Variants in PSMB7 observed in about 807,000 individuals in gnomAD.
The protein encoded by PSMB7 is proteasome 20S subunit beta 7.
In PSMB7, 5 loss-of-function variants were observed where a neutral mutation model predicts 28.1. The ratio of observed to expected loss-of-function variants is 0.18; its 90% CI spans 0.09 to 0.37. The LOEUF (loss-of-function observed/expected upper bound fraction) is 0.37. Among genes scored for constraint, PSMB7 ranks in the 10% least tolerant of loss-of-function variants. The pLI is 1.00. For synonymous variants in PSMB7, 122 were observed against 123.7 expected (o/e 0.99, Z 0.09); for missense variants, 275 against 346.2 (o/e 0.79, Z 1.63).
At chr9:124,353,766 C>T (rs1830361754) in intron 7 of PSMB7, 57 bp from the exon 8 acceptor site, 2 of 1,280,464 alleles carry the variant, frequency 1.6e-6, no homozygotes, top group African/African-American at 2.9e-5. Flanking sequence ...TGCCAGAGGG[C>T]AGAAGACAGT....
At chr9:124,382,193 CTTTTCTCTTT>C (rs1830673979) in intron 6 of PSMB7, among the ~76,000 whole-genome samples, 1 of 110,598 alleles carries the variant, frequency 9.0e-6, no homozygotes, top group African/African-American at 3.3e-5. Context: ...GTCTCTCTCT[CTTTTCTCTTT>C]TTTTTTTTTT....
At chr9:124,365,369 AAGGT>A (rs766261575) in intron 6 of PSMB7, among the ~76,000 whole-genome samples, 1 of 152,178 alleles carries the variant, frequency 6.6e-6, no homozygotes, top group Non-Finnish European at 1.5e-5. Flanking sequence ...ATACAAGTGA[AAGGT>A]AGCCAAGTCA....
intron 6 of PSMB7, among the ~76,000 whole-genome samples, chr9:124,358,320 G>T (rs936480248): frequency 3.9e-5 from 6 of 152,300 alleles, no homozygotes; most frequent in East Asian, 1.9e-4. Flanking sequence ...GACAGAGAAG[G>T]TTCTGCTGGA....
rs147608257 is a variant in PSMB7, at chr9:124,412,089, T to C, written c.395+263A>G. Among the ~76,000 whole-genome samples the C allele has an allele frequency of 1.1e-4, 17 of 152,244 alleles. No individual in the cohort carries two copies. In the East Asian group the frequency reaches 1.9e-3, roughly 17 times the overall value. ...CTTTCTTACCGTGAACAAAAAAGTT[T>C]CTCTTATCCAGTAATATCCCTATGC... On this transcript the variant is annotated intron_variant, in intron 4 of 7. Transcript: ENST00000259457.
chr9:124,387,303 C>T (rs1485649669), intron 5 of PSMB7, among the ~76,000 whole-genome samples: 2 of 152,132 alleles, frequency 1.3e-5, no homozygotes, highest in African/African-American at 4.8e-5. Flanking sequence ...ATATTACAGA[C>T]AAAATTTCTA....
Position 124,356,889 on chromosome 9 carries a change from G to A in PSMB7, c.597C>T (p.Ser199=), listed in dbSNP as rs754799838. ...TGAAGATGCCAGCTGCGATGGCTTCGCTCACCAGATTCTTGGCTTCCTCCT... is the reference window on the plus strand; with the variant it reads ...TGAAGATGCCAGCTGCGATGGCTTCACTCACCAGATTCTTGGCTTCCTCCT... ...MEEEEAKNLV[S]EAIAAGIFND... Residue 199 remains serine, a synonymous_variant, in exon 7 of 8, where the codon AGC becomes AGT. Coordinates refer to ENST00000259457, the MANE Select transcript of PSMB7 (RefSeq NM_002799.4). This position sits in a 1 kb window ranked among gnomAD's most constrained non-coding sequence, Gnocchi z 4.4. The A allele has an allele frequency of 1.2e-5, 20 of 1,614,004 alleles. No individual in the cohort carries two copies. The highest frequency in any genetic ancestry group is 1.7e-5 in the Admixed American group (1 of 60,004).
Position 124,356,559 on chromosome 9 carries a change from A to T in PSMB7, c.722+205T>A, listed in dbSNP as rs1011839067. 2.0e-5 allele frequency among the ~76,000 whole-genome samples: 3 copies of T among 152,136 alleles called. No individual in the cohort carries two copies. The highest frequency in any genetic ancestry group is 7.2e-5 in the African/African-American group (3 of 41,414). ...GGGCCACCCTCCACCTCTCCCATCA[A>T]ATTAAATCACTTTCCTACACCTGAC... On this transcript the variant is annotated intron_variant, in intron 7 of 7. Transcript: ENST00000259457. This position sits in a 1 kb window ranked among gnomAD's most constrained non-coding sequence, Gnocchi z 4.4.
chr9:124,358,947 G>A (rs754338014), intron 6 of PSMB7, among the ~76,000 whole-genome samples: 29 of 152,294 alleles, frequency 1.9e-4, no homozygotes, highest in Non-Finnish European at 3.2e-4. Flanking sequence ...GGAAATATAC[G>A]AATGACATGA....
rs1047828814 is a variant in PSMB7, at chr9:124,356,424, G to A, written c.722+340C>T. On this transcript the variant is annotated intron_variant, in intron 7 of 7. Coordinates refer to ENST00000259457, the MANE Select transcript of PSMB7 (RefSeq NM_002799.4). The surrounding 1 kb of genome is among the most constrained non-coding windows in gnomAD (Gnocchi z 4.4). ...TGAGGGAAAGTGCTGGGGCTGCCCT[G>A]AAAAATGCACCTTCTCCCAGAAATC... 6.6e-6 allele frequency among the ~76,000 whole-genome samples: 1 copy of A among 152,150 alleles called. No homozygotes were observed. Among genetic ancestry groups the A allele is most frequent in the Non-Finnish European group, 1.5e-5 (1 of 68,020 alleles).
chr9:124,403,967 T>C (rs530829003), intron 5 of PSMB7, among the ~76,000 whole-genome samples: 3 of 151,824 alleles, frequency 2.0e-5, no homozygotes, highest in South Asian at 4.2e-4. Flanking sequence ...TCACAGCTCA[T>C]TGCAACCTCA....
intron 6 of PSMB7, among the ~76,000 whole-genome samples, chr9:124,380,369 ATC>A (rs1434237374): frequency 2.6e-5 from 4 of 152,190 alleles, no homozygotes; most frequent in Middle Eastern, 3.4e-3. Flanking sequence ...GTGAGACCTC[ATC>A]TCTACTAAAA....
intron 5 of PSMB7, among the ~76,000 whole-genome samples, chr9:124,403,485 C>A (rs1830932843): frequency 6.6e-6 from 1 of 152,130 alleles, no homozygotes; most frequent in African/African-American, 2.4e-5. Flanking sequence ...GTGATTGCAC[C>A]ACTGTACTCC....
intron 4 of PSMB7, among the ~76,000 whole-genome samples, chr9:124,410,984 C>CT (rs946337026): frequency 2.2e-4 from 32 of 146,920 alleles, no homozygotes; most frequent in Middle Eastern, 3.4e-3. Flanking sequence ...TTTTTTTTTT[C>CT]TTTTTTTTTG....
chr9:124,392,495 G>A (rs1830797009), intron 5 of PSMB7, among the ~76,000 whole-genome samples: 1 of 152,182 alleles, frequency 6.6e-6, no homozygotes, highest in African/African-American at 2.4e-5. Context: ...TTCCTTCCCC[G>A]CACAAGAGGG....
At chr9:124,400,506 A>T (rs1482876578) in intron 5 of PSMB7, among the ~76,000 whole-genome samples, 1 of 152,136 alleles carries the variant, frequency 6.6e-6, no homozygotes, top group Non-Finnish European at 1.5e-5. Flanking sequence ...GAGCTTCACC[A>T]ATCAGAAGCA....
chr9:124,413,580 A>C (rs921660355), intron 3 of PSMB7, among the ~76,000 whole-genome samples: 1 of 152,248 alleles, frequency 6.6e-6, no homozygotes, highest in African/African-American at 2.4e-5. Context: ...TCCAGCTAAG[A>C]AAAAAGAACC....
At chr9:124,396,610 T>C (rs1830845869) in intron 5 of PSMB7, 2 of 345,944 alleles carry the variant, frequency 5.8e-6, no homozygotes, top group Non-Finnish European at 1.2e-5. Context: ...TCTTTCCTAA[T>C]GGTGCATAGC....
intron 6 of PSMB7, among the ~76,000 whole-genome samples, chr9:124,370,231 T>C (rs1258751403): frequency 6.6e-6 from 1 of 152,108 alleles, no homozygotes; most frequent in African/African-American, 2.4e-5. Flanking sequence ...ACCTTTTTTT[T>C]TTTTTTTTAA....
chr9:124,412,502 C>A lies in PSMB7; in HGVS notation c.255-10G>T, dbSNP rs770712192. 1 of 1,612,656 alleles carries A rather than the reference C, an allele frequency of 6.2e-7. No individual in the cohort carries two copies. Among genetic ancestry groups the A allele is most frequent in the Non-Finnish European group, 8.5e-7 (1 of 1,179,316 alleles). On this transcript the variant is annotated splice_polypyrimidine_tract_variant and intron_variant, in intron 3 of 7. Coordinates refer to ENST00000259457, the MANE Select transcript of PSMB7 (RefSeq NM_002799.4). ...CCCAGCACCACAACAACTGAAAAAT[C>A]CAATTAGAAACTTAGCTGAAATCCA...
Sources: allele counts gnomAD v4.1 joint callset (sites outside exome capture counted in the v4.1 genomes callset), GRCh38; gene constraint gnomAD v4.1.1; non-coding constraint Gnocchi (gnomAD v3.1); transcripts MANE v1.5; gene names NCBI Gene and HGNC (gene_info 2026-07-23, HGNC 2026-07-21).